The following EIF3L variants were observed in gnomAD, a reference collection of about 807,000 sequenced individuals.
EIF3L encodes the protein eukaryotic translation initiation factor 3 subunit L, also known as eIEF associated protein HSPC021.
Under a neutral mutation model 74.6 loss-of-function variants are expected in EIF3L, and 32 were observed. The observed-to-expected ratio is 0.43, with a 90% CI of 0.32 to 0.58. The LOEUF (loss-of-function observed/expected upper bound fraction) is 0.58. EIF3L is among the 20% of genes least tolerant of loss of function. The pLI is 0.06. For synonymous variants in EIF3L, 256 were observed against 254.4 expected (o/e 1.01, Z -0.06); for missense variants, 474 against 707.8 (o/e 0.67, Z 3.75).
chr22:37,850,115 G>T (rs761978366), intron 2 of EIF3L, 52 bp downstream of exon 2: 3 of 1,601,556 alleles, frequency 1.9e-6, no homozygotes, highest in African/African-American at 2.7e-5. Flanking sequence ...AGTTCCTTTG[G>T]AATGTCTTAG....
rs546336082 is a variant in EIF3L, at chr22:37,850,511, A to T, written c.82+448A>T. On this transcript the variant is annotated intron_variant, in intron 2 of 12. Coordinates refer to ENST00000652021, the MANE Select transcript of EIF3L (RefSeq NM_016091.4). ...ACCACCATTCCCAGCTAATTTTTAA[A>T]TTTTTTTAATAGAGACGAGGTTTCG... The T allele has an allele frequency of 2.8e-3, 638 of 223,960 alleles. 3 individuals carry two copies. The highest frequency in any genetic ancestry group is 0.014 in the African/African-American group (600 of 42,290). The allele number at this position is 223,960 out of a possible 1,614,324, so 13.9% of individuals were successfully genotyped here.
intron 8 of EIF3L, 23 bp downstream of exon 8, chr22:37,870,370 C>T (rs761888506): frequency 1.0e-5 from 16 of 1,561,618 alleles, no homozygotes; most frequent in Non-Finnish European, 1.3e-5. Flanking sequence ...GGCCGACAGC[C>T]GTGGCCTGCG....
chr22:37,864,264 A>T (rs921700506), intron 7 of EIF3L, among the ~76,000 whole-genome samples: 15 of 152,120 alleles, frequency 9.9e-5, no homozygotes, highest in African/African-American at 3.6e-4. Flanking sequence ...TGTGTTGCCC[A>T]TGCTGGTGTT....
intron 10 of EIF3L, chr22:37,876,295 ATTTTTTTTTTTT>A (rs146250173): frequency 1.8e-5 from 2 of 110,444 alleles, no homozygotes; most frequent in East Asian, 2.0e-4. Context: ...ACACCGGCTA[ATTTTTTTTTTTT>A]TTTTTTTTTT....
At chr22:37,876,798 G>A (rs560532350) in intron 10 of EIF3L, 2 of 152,278 alleles carry the variant, frequency 1.3e-5, no homozygotes, top group South Asian at 2.1e-4. Flanking sequence ...TTGATATAAG[G>A]TGTGGATATT....
At chr22:37,864,377 G>T (rs556592486) in intron 7 of EIF3L, among the ~76,000 whole-genome samples, 1 of 152,228 alleles carries the variant, frequency 6.6e-6, no homozygotes, top group East Asian at 1.9e-4. Context: ...TTAAGTGTAT[G>T]CTCGATCAGA....
intron 7 of EIF3L, among the ~76,000 whole-genome samples, chr22:37,865,594 G>A (rs1216653275): frequency 1.3e-5 from 2 of 152,078 alleles, no homozygotes; most frequent in Admixed American, 6.5e-5. Context: ...TTAGAACTCC[G>A]TGAACCAGGG....
intron 11 of EIF3L, chr22:37,881,781 G>C (rs1182284371): frequency 6.6e-6 from 1 of 152,092 alleles, no homozygotes; most frequent in African/African-American, 2.4e-5. Context: ...TCTTAGAATG[G>C]TTTCTTTTTT....
chr22:37,884,167 C>G (rs1927202795), intron 11 of EIF3L: 2 of 152,124 alleles, frequency 1.3e-5, no homozygotes, highest in South Asian at 4.1e-4. Flanking sequence ...AATATATGGA[C>G]TTTTGTGTTT....
At chr22:37,859,370 G>GTTT (rs1437551077) in intron 5 of EIF3L, among the ~76,000 whole-genome samples, 3 of 72,776 alleles carry the variant, frequency 4.1e-5, no homozygotes, top group African/African-American at 2.4e-4. Flanking sequence ...AGTACGTGAA[G>GTTT]TTTCTTTTTT....
chr22:37,874,978 C>T (rs370758245), intron 9 of EIF3L, among the ~76,000 whole-genome samples: 3 of 146,626 alleles, frequency 2.0e-5, no homozygotes, highest in South Asian at 2.2e-4. Context: ...CTCCTGACCT[C>T]GTGATCCGCC....
At chr22:37,885,566 A>G (rs1254703326) in intron 11 of EIF3L, 1 of 152,106 alleles carries the variant, frequency 6.6e-6, no homozygotes. Context: ...AATGGTGTTC[A>G]AAATATTTTC....
intron 7 of EIF3L, among the ~76,000 whole-genome samples, chr22:37,868,260 T>C (rs1236297013): frequency 6.7e-6 from 1 of 150,258 alleles, no homozygotes; most frequent in Non-Finnish European, 1.5e-5. Flanking sequence ...ATTACAGGTG[T>C]GCACCACCAC....
intron 11 of EIF3L, chr22:37,883,809 G>A (rs1218324848): frequency 6.6e-6 from 1 of 152,156 alleles, no homozygotes; most frequent in African/African-American, 2.4e-5. Flanking sequence ...AGCTACTTGG[G>A]AGGCTGAGGC....
At chr22:37,864,380 C>T (rs761851252) in intron 7 of EIF3L, among the ~76,000 whole-genome samples, 1 of 152,116 alleles carries the variant, frequency 6.6e-6, no homozygotes, top group Non-Finnish European at 1.5e-5. Flanking sequence ...AGTGTATGCT[C>T]GATCAGAATA....
At chr22:37,869,261 G>C (rs569302993) in intron 7 of EIF3L, among the ~76,000 whole-genome samples, 1 of 152,204 alleles carries the variant, frequency 6.6e-6, no homozygotes, top group South Asian at 2.1e-4. Context: ...CCTTAGTAGC[G>C]GAGACTGCAG....
chr22:37,857,605 C>T (rs1002080896), intron 4 of EIF3L, among the ~76,000 whole-genome samples: 4 of 151,122 alleles, frequency 2.6e-5, no homozygotes, highest in Admixed American at 6.6e-5. Context: ...AGTGCAGTGG[C>T]GCGATCTCTG....
chr22:37,876,080 A>C (rs1926732894), intron 10 of EIF3L, 69 bp downstream of exon 10: 1 of 1,523,464 alleles, frequency 6.6e-7, no homozygotes, highest in African/African-American at 1.4e-5. Context: ...TATGCCAACC[A>C]TTCTTGGTAA....
At chr22:37,872,197 A>G (rs886375570) in intron 8 of EIF3L, among the ~76,000 whole-genome samples, 2 of 151,700 alleles carry the variant, frequency 1.3e-5, no homozygotes, top group African/African-American at 4.9e-5. Context: ...AGTTCACTGC[A>G]TCCTCTGCCT....
Sources: gnomAD v4.1 joint callset for allele counts (sites outside exome capture counted in the v4.1 genomes callset) on GRCh38, gnomAD v4.1.1 for gene constraint, MANE v1.5 for transcripts, NCBI Gene and HGNC (gene_info 2026-07-23, HGNC 2026-07-21) for gene names.